The following PABPN1L variants were observed in gnomAD, a reference collection of about 807,000 sequenced individuals.
PABPN1L encodes the protein PABPN1 like, cytoplasmic, also known as embryonic polyadenylate-binding protein 2.
A neutral mutation model predicts 34.0 loss-of-function variants in PABPN1L; 45 were observed. The observed-to-expected ratio is 1.32, with a 90% CI of 1.04 to 1.70. PABPN1L has a LOEUF of 1.70. Among genes scored for constraint, PABPN1L ranks in the 40% most tolerant of loss-of-function variants. The pLI, the probability that PABPN1L is intolerant of heterozygous loss-of-function variation, is 0.00. For missense variants in PABPN1L, 459 were observed against 367.8 expected (o/e 1.25, Z -2.03); for synonymous variants, 182 against 152.1 (o/e 1.20, Z -1.45).
chr16:88,867,045 C>A (rs997012218), upstream of PABPN1L, among the ~76,000 whole-genome samples: 2 of 152,108 alleles, frequency 1.3e-5, no homozygotes, highest in Non-Finnish European at 2.9e-5. Context: ...AGGTGGCTTC[C>A]GACCAGGAGA....
chr16:88,864,076 GC>G (rs10711302), intron 6 of PABPN1L, among the ~76,000 whole-genome samples, 160 bp downstream of exon 6: 5,067 of 139,014 alleles, frequency 0.036, 290 homozygotes, highest in African/African-American at 0.14. Context: ...TACAAAAAGC[GC>G]CCCCCCCACC....
intron 6 of PABPN1L, 74 bp from the exon 7 acceptor site, chr16:88,863,869 A>G: frequency 1.4e-6 from 2 of 1,431,094 alleles, no homozygotes; most frequent in Non-Finnish European, 1.9e-6. Flanking sequence ...CCCGGGGGAC[A>G]ACAGGATAAG....
exon 7 of PABPN1L, chr16:88,863,574 G>T (rs886629024): frequency 2.5e-6 from 2 of 792,810 alleles, no homozygotes; most frequent in Non-Finnish European, 2.1e-6. Flanking sequence ...CCTTGGGTCT[G>T]GACCACCATA....
intron 1 of PABPN1L, among the ~76,000 whole-genome samples, 157 bp downstream of exon 1, chr16:88,866,195 G>A (rs531609310): frequency 6.4e-4 from 98 of 152,338 alleles, no homozygotes; most frequent in African/African-American, 2.2e-3. Context: ...GTGGCTGGGG[G>A]CGGGGGGTCT....
upstream of PABPN1L, among the ~76,000 whole-genome samples, chr16:88,868,632 G>A (rs536687270): frequency 6.6e-6 from 1 of 151,966 alleles, no homozygotes; most frequent in African/African-American, 2.4e-5. Context: ...AACCCAAAGA[G>A]GGTTTGGAGA....
chr16:88,869,004 T>G (rs1011618349), upstream of PABPN1L, among the ~76,000 whole-genome samples: 1 of 152,312 alleles, frequency 6.6e-6, no homozygotes, highest in East Asian at 1.9e-4. Context: ...AGCCAAGATC[T>G]TGGGACCCAC....
intron 5 of PABPN1L, 76 bp from the exon 6 acceptor site, chr16:88,864,455 A>G: frequency 6.8e-7 from 1 of 1,474,152 alleles, no homozygotes; most frequent in Non-Finnish European, 9.0e-7. Context: ...AGCCCCCACC[A>G]CCCCGGAGCA....
chr16:88,864,238 G>C, exon 6 of PABPN1L: 1 of 1,530,094 alleles, frequency 6.5e-7, no homozygotes, highest in South Asian at 1.2e-5. Flanking sequence ...CCCACTCACC[G>C]GTTCTGCCCT....
chr16:88,867,200 C>G (rs925942470), upstream of PABPN1L, among the ~76,000 whole-genome samples: 6 of 151,694 alleles, frequency 4.0e-5, no homozygotes, highest in African/African-American at 1.5e-4. Context: ...ACCCTTGCCT[C>G]CCTAACCCTT....
At chr16:88,866,727 G>C (rs189010217), upstream of PABPN1L, 7,796 of 1,357,042 alleles carry the variant, frequency 5.7e-3, 45 homozygotes, top group Non-Finnish European at 6.2e-3. Flanking sequence ...GCTCCCACTA[G>C]AGCATTTGCA....
chr16:88,866,219 G>T, intron 1 of PABPN1L, 133 bp downstream of exon 1: 3 of 1,382,376 alleles, frequency 2.2e-6, no homozygotes, highest in Non-Finnish European at 1.9e-6. Context: ...TGCCACCTTC[G>T]TCCAGGCAGG....
At chr16:88,869,439 G>C (rs1480018859), upstream of PABPN1L, among the ~76,000 whole-genome samples, 2 of 152,244 alleles carry the variant, frequency 1.3e-5, no homozygotes, top group Non-Finnish European at 2.9e-5. Flanking sequence ...CCTCCCTCGA[G>C]AGCCGCTGTC....
Position 88,864,943 on chromosome 16 carries a change from G to A in PABPN1L, c.567-3C>T, listed in dbSNP as rs368752908. ...TGGCAAACTCTATGTAGGCATAACT[G>A]AGGGGAGGGGCAGGGAGGGGAGGGG... On this transcript the variant is annotated splice_polypyrimidine_tract_variant and splice_region_variant and intron_variant, in intron 4 of 6. Transcript: ENST00000419291. 1.6e-5 allele frequency: 26 copies of A among 1,591,412 alleles called. No homozygotes were observed. In the East Asian group the frequency reaches 3.2e-4, roughly 19 times the overall value.
chr16:88,868,233 C>G (rs72813583), upstream of PABPN1L, among the ~76,000 whole-genome samples: 806 of 152,312 alleles, frequency 5.3e-3, 6 homozygotes, highest in Non-Finnish European at 7.4e-3. Context: ...AGAGGTGTAT[C>G]TTGCCAAGGT....
intron 3 of PABPN1L, 38 bp downstream of exon 3, chr16:88,865,525 C>G (rs748046923): frequency 6.3e-7 from 1 of 1,593,048 alleles, no homozygotes; most frequent in East Asian, 2.3e-5. Flanking sequence ...GATGGGGCCC[C>G]ATTCGCTGCC....
chr16:88,863,620 G>A (rs1353251776), exon 7 of PABPN1L: 5 of 1,128,276 alleles, frequency 4.4e-6, no homozygotes, highest in Non-Finnish European at 3.9e-6. Flanking sequence ...GCCAAGAGGG[G>A]GCCAGTGGCT....
chr16:88,864,042 G>A (rs1247302077), intron 6 of PABPN1L, among the ~76,000 whole-genome samples, 195 bp downstream of exon 6: 3 of 141,788 alleles, frequency 2.1e-5, no homozygotes, highest in African/African-American at 8.6e-5. Flanking sequence ...AACAAGAAGG[G>A]GTCACCTCTC....
chr16:88,866,645 C>T (rs1383392002), upstream of PABPN1L: 5 of 1,492,088 alleles, frequency 3.4e-6, no homozygotes, highest in African/African-American at 1.4e-5. Context: ...GGCGAGGCCT[C>T]CCCTCCACTC....
At chr16:88,865,844 C>A (rs952810510) in exon 2 of PABPN1L, 1 of 1,609,724 alleles carries the variant, frequency 6.2e-7, no homozygotes, top group African/African-American at 1.3e-5. Flanking sequence ...GGCCGCGGTG[C>A]CCTCCTCTTC....
Sources: gnomAD v4.1 joint callset for allele counts (sites outside exome capture counted in the v4.1 genomes callset) on GRCh38, gnomAD v4.1.1 for gene constraint, MANE v1.5 for transcripts, NCBI Gene and HGNC (gene_info 2026-07-23, HGNC 2026-07-21) for gene names.